The following PRMT1 variants were observed in gnomAD, a reference collection of about 807,000 sequenced individuals.
The protein encoded by PRMT1 is protein arginine N-methyltransferase 1.
Under a neutral mutation model 47.4 loss-of-function variants are expected in PRMT1, and 5 were observed. The ratio of observed to expected loss-of-function variants is 0.11; its 90% CI spans 0.06 to 0.22. PRMT1 has a LOEUF of 0.22. PRMT1 is among the 10% of genes least tolerant of loss of function. PRMT1 has a pLI of 1.00. For synonymous variants in PRMT1, 227 were observed against 204.6 expected, an observed-to-expected ratio of 1.11 and a Z score of -0.94; for missense variants, 249 against 518.4, an observed-to-expected ratio of 0.48 and a Z score of 5.05.
intron 10 of PRMT1, among the ~76,000 whole-genome samples, chr19:49,687,675 A>T (rs2082229521): frequency 6.6e-6 from 1 of 152,088 alleles, no homozygotes; most frequent in Non-Finnish European, 1.5e-5. Context: ...CCCCGGGACC[A>T]CGGCACTAGC....
Position 49,688,048 on chromosome 19 carries a change from G to A in PRMT1, c.1033-114G>A, listed in dbSNP as rs912683201. The A allele has an allele frequency of 3.7e-5, 35 of 951,164 alleles. No individual in the cohort carries two copies. The highest frequency in any genetic ancestry group is 2.1e-4 in the Middle Eastern group (1 of 4,794). 58.9% of individuals were successfully genotyped at this position (951,164 alleles called of 1,614,324 possible). ...GGGACCAGCAGTTGGGGTCTGCAGC[G>A]TGGAGATGGGCAGGAAGCTGGAGCC... On this transcript the variant is annotated intron_variant, in intron 10 of 10. Transcript: ENST00000454376. The surrounding 1 kb of genome is among the most constrained non-coding windows in gnomAD (Gnocchi z 5.3).
chr19:49,685,821 T>G lies in PRMT1; in HGVS notation c.760-272T>G. The G allele has an allele frequency of 7.9e-7, 1 of 1,264,840 alleles. No individual in the cohort carries two copies. The highest frequency in any genetic ancestry group is 1.0e-6 in the Non-Finnish European group (1 of 1,000,938). 78.4% of individuals were successfully genotyped at this position (1,264,840 alleles called of 1,614,324 possible). A position where few individuals can be genotyped will look rare whatever the true frequency, so the allele number is the denominator to read the frequency against. ...AGACAGTGGAGTGGGGCGCCTGCAT[T>G]CTAGGAGGTCTGGACAGAGTTAGGG... is the stretch of plus-strand genomic sequence containing the variant. On this transcript the variant is annotated intron_variant, in intron 8 of 10. Coordinates refer to ENST00000454376, the MANE Select transcript of PRMT1 (RefSeq NM_001536.6). This position sits in a 1 kb window ranked among gnomAD's most constrained non-coding sequence, Gnocchi z 4.7.
chr19:49,679,697 T>A (rs781012626), intron 1 of PRMT1, 175 bp from the exon 2 acceptor site: 12 of 658,424 alleles, frequency 1.8e-5, no homozygotes, highest in African/African-American at 3.6e-5. Flanking sequence ...TCCCCTCACT[T>A]TTCCCACCCT....
At chr19:49,678,305 G>A (rs2082067080) in intron 1 of PRMT1, 1 of 152,440 alleles carries the variant, frequency 6.6e-6, no homozygotes, top group African/African-American at 2.4e-5. Context: ...CTGAAGCCCT[G>A]TGCAGGGTCC....
upstream of PRMT1, chr19:49,676,952 C>G: frequency 3.4e-6 from 1 of 293,966 alleles, no homozygotes; most frequent in Non-Finnish European, 6.2e-6. Flanking sequence ...TGAGGCGGTG[C>G]TGGGTGTAAA....
intron 1 of PRMT1, 46 bp downstream of exon 1, chr19:49,677,362 G>A: frequency 7.4e-7 from 1 of 1,358,326 alleles, no homozygotes. Flanking sequence ...GCTTTGGGTC[G>A]GTGTTTCACG....
chr19:49,682,362 C>G lies in PRMT1; in HGVS notation c.412+103C>G, dbSNP rs550382228. 103 of 1,237,804 alleles carry G rather than the reference C, an allele frequency of 8.3e-5. No individual in the cohort carries two copies. In the Admixed American group the frequency reaches 1.1e-3, roughly 13 times the overall value. The allele number at this position is 1,237,804 out of a possible 1,614,324, so 76.7% of individuals were successfully genotyped here. A position where few individuals can be genotyped will look rare whatever the true frequency, so the allele number is the denominator to read the frequency against. On this transcript the variant is annotated intron_variant, in intron 5 of 10. Transcript: ENST00000454376. ...TGGGGTCTACAGATGACCACAGATT[C>G]AGCAGCTCCCAACCCATGGTCTTTT... is the stretch of plus-strand genomic sequence containing the variant.
At chr19:49,682,717 C>G (rs1348847723) in intron 5 of PRMT1, among the ~76,000 whole-genome samples, 1 of 151,742 alleles carries the variant, frequency 6.6e-6, no homozygotes, top group East Asian at 1.9e-4. Flanking sequence ...TCGTTTAACA[C>G]TTTCCAGGAT....
Position 49,683,922 on chromosome 19 carries a change from C to T in PRMT1, c.413-5C>T, listed in dbSNP as rs201226807. 87 of 1,612,122 alleles carry T rather than the reference C, an allele frequency of 5.4e-5. No individual in the cohort carries two copies. The East Asian group carries it at 1.0e-3, about 19-fold the overall frequency. On this transcript the variant is annotated splice_region_variant and splice_polypyrimidine_tract_variant and intron_variant, in intron 5 of 10. Coordinates refer to ENST00000454376, the MANE Select transcript of PRMT1 (RefSeq NM_001536.6). The stretch of plus-strand genomic sequence containing the variant: ...GCTGACGTGGCCACCCTTGTCCGCC[C>T]GCAGTGGTGACCATCATCAAGGGGA...
intron 9 of PRMT1, 66 bp from the exon 10 acceptor site, chr19:49,686,535 CAGAG>C (rs2086891660): frequency 1.4e-6 from 2 of 1,405,688 alleles, no homozygotes; most frequent in Non-Finnish European, 1.9e-6. Flanking sequence ...GGCATTCCGA[CAGAG>C]GGAACGCAAG....
Position 49,684,623 on chromosome 19 carries a change from G to A in PRMT1, c.556-131G>A. ...TGGCGGCCGTGTGGGAAATAGACCA[G>A]GGGGCGAGGGGTGAGTGCCGCTGCG... On this transcript the variant is annotated intron_variant, in intron 6 of 10. Transcript: ENST00000454376. This position sits in a 1 kb window ranked among gnomAD's most constrained non-coding sequence, Gnocchi z 6.2. 3.7e-6 allele frequency: 4 copies of A among 1,074,424 alleles called. No individual in the cohort carries two copies. The highest frequency in any genetic ancestry group is 5.4e-6 in the Non-Finnish European group (4 of 741,810). 66.6% of individuals were successfully genotyped at this position (1,074,424 alleles called of 1,614,324 possible).
rs375836550 is a variant in PRMT1 at position 49,685,022 on chromosome 19, C to T, written c.744C>T (p.Asn248=). 2.4e-5 allele frequency: 39 copies of T among 1,613,614 alleles called. No homozygotes were observed. The highest frequency in any genetic ancestry group is 1.6e-4 in the Middle Eastern group (1 of 6,084). Residue 248 remains asparagine (N), a synonymous_variant, in exon 8 of 11, where the codon AAC becomes AAT. Coordinates refer to ENST00000454376, the MANE Select transcript of PRMT1 (RefSeq NM_001536.6). The surrounding 1 kb of genome is among the most constrained non-coding windows in gnomAD (Gnocchi z 4.7). ...TGGACCCCAAACAGCTGGTCACCAA[C>T]GCCTGCCTCATAAAGGTGAGGGGGT... ...DVVDPKQLVT[N]ACLIKEVDIY... is the part of the protein sequence containing the mutation.
Position 49,682,047 on chromosome 19 carries a change from G to A in PRMT1, c.330G>A (p.Gly110=), listed in dbSNP as rs1056829207. The A allele has an allele frequency of 5.6e-6, 9 of 1,614,048 alleles. No homozygotes were observed. In the African/African-American group the frequency reaches 1.1e-4, roughly 19 times the overall value. Residue 110 remains glycine, a synonymous_variant, in exon 4 of 11, where the codon GGG becomes GGA. Transcript: ENST00000454376. ...GILCMFAAKA[G]ARKVIGIECS... ...TCTGCATGTTTGCTGCCAAGGCCGG[G>A]GCCCGCAAGGTCATCGGGGTGAGTC...
chr19:49,682,084 CAGG>C lies in PRMT1; in HGVS notation c.348+20_348+22del, dbSNP rs1462723747. On this transcript the variant is annotated intron_variant, in intron 4 of 10. Coordinates refer to ENST00000454376, the MANE Select transcript of PRMT1 (RefSeq NM_001536.6). ...CATCGGGGTGAGTCTCCAGGGTGGCCAGGCGGGGCCGGGCCTGAGGGATGGAGG... is the reference window on the plus strand; with the variant it reads ...CATCGGGGTGAGTCTCCAGGGTGGCCCGGGGCCGGGCCTGAGGGATGGAGG... 1 of 1,613,796 alleles carries C rather than the reference CAGG, an allele frequency of 6.2e-7. No individual in the cohort carries two copies. Among genetic ancestry groups the C allele is most frequent in the Non-Finnish European group, 8.5e-7 (1 of 1,179,792 alleles).
rs1305973181 is a variant in PRMT1 at position 49,680,032 on chromosome 19, A to G, written c.90+107A>G. 6.9e-6 allele frequency: 9 copies of G among 1,306,356 alleles called. No homozygotes were observed. The highest frequency in any genetic ancestry group is 9.7e-6 in the Non-Finnish European group (9 of 924,378). 80.9% of individuals were successfully genotyped at this position (1,306,356 alleles called of 1,614,324 possible). ...GTCTAACCATACCCCTCTTGCTTCAAACCAGTTTACCCCAGGCCCCCAGAC... is the reference window on the plus strand; with the variant it reads ...GTCTAACCATACCCCTCTTGCTTCAGACCAGTTTACCCCAGGCCCCCAGAC... On this transcript the variant is annotated intron_variant, in intron 2 of 10. Coordinates refer to ENST00000454376, the MANE Select transcript of PRMT1 (RefSeq NM_001536.6). This position sits in a 1 kb window ranked among gnomAD's most constrained non-coding sequence, Gnocchi z 4.2.
rs1193959388 is a variant in PRMT1 at position 49,685,065 on chromosome 19, C to T, written c.759+28C>T. On this transcript the variant is annotated intron_variant, in intron 8 of 10. Transcript: ENST00000454376. The surrounding 1 kb of genome is among the most constrained non-coding windows in gnomAD (Gnocchi z 4.7). The stretch of plus-strand genomic sequence containing the variant: ...GAGGGGGTGGGCATGGCCAGGTGCC[C>T]CCTGGGTTGAAACCAAAGAGAGGCC... 1 of 1,613,956 alleles carries T rather than the reference C, an allele frequency of 6.2e-7. No individual in the cohort carries two copies. Among genetic ancestry groups the T allele is most frequent in the Non-Finnish European group, 8.5e-7 (1 of 1,179,924 alleles).
intron 1 of PRMT1, 184 bp from the exon 2 acceptor site, chr19:49,679,688 C>T: frequency 1.6e-6 from 1 of 630,352 alleles, no homozygotes; most frequent in Non-Finnish European, 2.9e-6. Context: ...CCTTTCTTCT[C>T]CCCTCACTTT....
chr19:49,685,264 G>C lies in PRMT1; in HGVS notation c.759+227G>C. 6.8e-7 allele frequency: 1 copy of C among 1,461,108 alleles called. No homozygotes were observed. The allele number at this position is 1,461,108 out of a possible 1,614,324, so 90.5% of individuals were successfully genotyped here. On this transcript the variant is annotated intron_variant, in intron 8 of 10. Coordinates refer to ENST00000454376, the MANE Select transcript of PRMT1 (RefSeq NM_001536.6). The surrounding 1 kb of genome is among the most constrained non-coding windows in gnomAD (Gnocchi z 4.7). ...TGCTTGGCACTTGGCTTCTGGCGGA[G>C]GAAACACCCAAAGCTGGCAGCTAAA...
At chr19:49,686,541 G>GCC in intron 9 of PRMT1, 64 bp from the exon 10 acceptor site, 1 of 757,170 alleles carries the variant, frequency 1.3e-6, no homozygotes, top group Non-Finnish European at 2.0e-6. Context: ...CCGACAGAGG[G>GCC]AACGCAAGGG....
Sources: allele counts gnomAD v4.1 joint callset (sites outside exome capture counted in the v4.1 genomes callset), GRCh38; gene constraint gnomAD v4.1.1; non-coding constraint Gnocchi (gnomAD v3.1); transcripts MANE v1.5; gene names NCBI Gene and HGNC (gene_info 2026-07-23, HGNC 2026-07-21).